Variants in CDH4 observed in about 807,000 individuals in gnomAD.
CDH4 encodes cadherin 4.
CDH4 carries 33 observed loss-of-function variants against 86.0 expected under a neutral mutation model. That is an observed-to-expected ratio of 0.38 (90% CI 0.29 to 0.51). The LOEUF is 0.51. CDH4 is among the 20% of genes least tolerant of loss of function. The pLI is 0.86. For synonymous variants in CDH4, 555 were observed against 549.4 expected (o/e 1.01, Z -0.14); for missense variants, 1,114 against 1,307.4 (o/e 0.85, Z 2.28).
rs552792921 is a variant in CDH4 at position 61,544,291 on chromosome 20, C to T, written c.170-199272C>T. Among the ~76,000 whole-genome samples the T allele has an allele frequency of 2.0e-3, 306 of 152,066 alleles. 2 individuals are homozygous for T. Among genetic ancestry groups the T allele is most frequent in the African/African-American group, 3.4e-3 (143 of 41,482 alleles). On this transcript the variant is annotated intron_variant, in intron 2 of 15. Transcript: ENST00000614565. This position sits in a 1 kb window ranked among gnomAD's most constrained non-coding sequence, Gnocchi z 6.5. Reference sequence around the variant, plus strand: ...ACATCGAGCGGGTGGAGGCTGGGTACGGCTAAACACCCCACAGCCCAGGAC... The same window carrying T: ...ACATCGAGCGGGTGGAGGCTGGGTATGGCTAAACACCCCACAGCCCAGGAC...
chr20:61,795,311 C>T (rs1369094626), intron 4 of CDH4, among the ~76,000 whole-genome samples: 1 of 151,562 alleles, frequency 6.6e-6, no homozygotes, highest in Non-Finnish European at 1.5e-5. Context: ...TTGTACTGAC[C>T]CTTTCTTCAC....
intron 3 of CDH4, among the ~76,000 whole-genome samples, chr20:61,766,657 G>C (rs866286803): frequency 6.6e-6 from 1 of 152,232 alleles, no homozygotes; most frequent in South Asian, 2.1e-4. Context: ...CATGCTCCAC[G>C]CAGCTCTGTT....
At chr20:61,583,291 CGGGGGGACAGAGGGCTCTGT>C (rs1319293148) in intron 2 of CDH4, among the ~76,000 whole-genome samples, 211 of 39,468 alleles carry the variant, frequency 5.3e-3, no homozygotes, top group Admixed American at 9.7e-3. Flanking sequence ...GACGGTTCTG[CGGGGGGACAGAGGGCTCTGT>C]GGGGGGACAG....
At chr20:61,725,729 G>C (rs1023433802) in intron 2 of CDH4, among the ~76,000 whole-genome samples, 1 of 148,994 alleles carries the variant, frequency 6.7e-6, no homozygotes, top group Non-Finnish European at 1.5e-5. Flanking sequence ...TCTGCAGAGA[G>C]ACACAAGGGG....
chr20:61,400,626 C>T (rs774593113), intron 2 of CDH4, among the ~76,000 whole-genome samples: 7 of 152,204 alleles, frequency 4.6e-5, no homozygotes, highest in South Asian at 2.1e-4. Flanking sequence ...TCTGCACCAT[C>T]GGGAACACAT....
intron 2 of CDH4, among the ~76,000 whole-genome samples, chr20:61,319,785 TAAA>T (rs11351576): frequency 4.2e-5 from 6 of 142,214 alleles, no homozygotes; most frequent in Non-Finnish European, 6.1e-5. Context: ...CCATCTCAAT[TAAA>T]AAAAAAAAAA....
At chr20:61,652,955 T>TTTTTTTTTTTA (rs1600842152) in intron 2 of CDH4, among the ~76,000 whole-genome samples, 1 of 122,852 alleles carries the variant, frequency 8.1e-6, no homozygotes, top group Admixed American at 8.0e-5. Context: ...TTTTTTTTTT[T>TTTTTTTTTTTA]ATTGATCATT....
At chr20:61,820,241 G>GC (rs1230369767) in intron 4 of CDH4, among the ~76,000 whole-genome samples, 7 of 151,740 alleles carry the variant, frequency 4.6e-5, no homozygotes. Flanking sequence ...TGAGAACTTG[G>GC]CATCCCCAAG....
At chr20:61,443,806 T>A (rs919586427) in intron 2 of CDH4, among the ~76,000 whole-genome samples, 4 of 151,868 alleles carry the variant, frequency 2.6e-5, no homozygotes, top group African/African-American at 9.7e-5. Flanking sequence ...TGTCTCTCTG[T>A]GTGGTGTGTC....
intron 2 of CDH4, among the ~76,000 whole-genome samples, chr20:61,476,687 G>C (rs2085538238): frequency 1.3e-5 from 2 of 152,206 alleles, no homozygotes; most frequent in Admixed American, 1.3e-4. Context: ...GTGTTAGGCT[G>C]GGCGAGACCA....
Position 61,269,405 on chromosome 20 carries a change from G to A in CDH4, c.169+14468G>A, listed in dbSNP as rs747398676. Among the ~76,000 whole-genome samples the A allele has an allele frequency of 1.8e-4, 27 of 151,988 alleles. No individual in the cohort carries two copies. The highest frequency in any genetic ancestry group is 2.9e-4 in the Non-Finnish European group (20 of 68,010). On this transcript the variant is annotated intron_variant, in intron 2 of 15. Coordinates refer to ENST00000614565, the MANE Select transcript of CDH4 (RefSeq NM_001794.5). The surrounding 1 kb of genome is among the most constrained non-coding windows in gnomAD (Gnocchi z 5.3). Reference sequence around the variant, plus strand: ...GGAGAGTCCACATTTCTAATCCTTAGCCATCAGCTCTGTGACACTGGACCA... The same window carrying A: ...GGAGAGTCCACATTTCTAATCCTTAACCATCAGCTCTGTGACACTGGACCA...
chr20:61,815,627 G>C (rs1980678160), intron 4 of CDH4, among the ~76,000 whole-genome samples: 1 of 152,338 alleles, frequency 6.6e-6, no homozygotes, highest in South Asian at 2.1e-4. Flanking sequence ...GAGCCCGCCT[G>C]GTTGGCATCT....
At chr20:61,383,569 GATATATATGA>G (rs1165465364) in intron 2 of CDH4, among the ~76,000 whole-genome samples, 2 of 7,410 alleles carry the variant, frequency 2.7e-4, no homozygotes, top group Non-Finnish European at 7.6e-4. Flanking sequence ...TATGATATAT[GATATATATGA>G]ATATATATGA....
intron 2 of CDH4, among the ~76,000 whole-genome samples, chr20:61,357,564 C>G (rs914990868): frequency 6.6e-6 from 1 of 152,212 alleles, no homozygotes; most frequent in Non-Finnish European, 1.5e-5. Context: ...TATCCCCATT[C>G]CTACAGGGAC....
intron 2 of CDH4, among the ~76,000 whole-genome samples, chr20:61,329,397 G>GCGGTGGATTGCAGCATGCGTGGAGGGCA (rs1568799974): frequency 6.6e-6 from 1 of 151,640 alleles, no homozygotes; most frequent in Non-Finnish European, 1.5e-5. Flanking sequence ...CCAGTGTGCT[G>GCGGTGGATTGCAGCATGCGTGGAGGGCA]CAGTGGATTG....
At chr20:61,387,629 C>G (rs1022107403) in intron 2 of CDH4, among the ~76,000 whole-genome samples, 1 of 152,196 alleles carries the variant, frequency 6.6e-6, no homozygotes, top group Non-Finnish European at 1.5e-5. Flanking sequence ...AAGATACACA[C>G]AGACACACAA....
intron 2 of CDH4, among the ~76,000 whole-genome samples, chr20:61,467,015 G>T (rs2085476046): frequency 6.6e-6 from 1 of 152,334 alleles, no homozygotes; most frequent in African/African-American, 2.4e-5. Flanking sequence ...TGTTCTCACT[G>T]GTTTTAATAT....
At position 61,940,146 on chromosome 20, in the gene CDH4, C is replaced by G. The variant is rs369051244; in HGVS notation, c.*3203C>G. The G allele has an allele frequency of 4.6e-5, 7 of 152,330 alleles. No homozygotes were observed. The highest frequency in any genetic ancestry group is 1.4e-4 in the African/African-American group (6 of 41,578). 9.4% of individuals were successfully genotyped at this position (152,330 alleles called of 1,614,324 possible). On this transcript the variant is annotated 3_prime_UTR_variant, in exon 16 of 16. Coordinates refer to ENST00000614565, the MANE Select transcript of CDH4 (RefSeq NM_001794.5). The stretch of plus-strand genomic sequence containing the variant: ...CAGACACACGTGACCCAGCTCGTGG[C>G]GCCGTGGGTCCGTAGGAGGGACAGT...
rs888644930 is a variant in CDH4 at position 61,741,240 on chromosome 20, G to A, written c.170-2323G>A. Among the ~76,000 whole-genome samples the A allele has an allele frequency of 5.3e-5, 8 of 152,160 alleles. No individual in the cohort carries two copies. The East Asian group carries it at 1.4e-3, about 26-fold the overall frequency. The stretch of plus-strand genomic sequence containing the variant: ...CAACAACAACAACAAAATCTAGAAA[G>A]CCAGTGTGCAGGGGCCCTGGTGCGG... On this transcript the variant is annotated intron_variant, in intron 2 of 15. Transcript: ENST00000614565.
Sources: allele counts gnomAD v4.1 joint callset (sites outside exome capture counted in the v4.1 genomes callset), GRCh38; gene constraint gnomAD v4.1.1; non-coding constraint Gnocchi (gnomAD v3.1); transcripts MANE v1.5; gene names NCBI Gene and HGNC (gene_info 2026-07-23, HGNC 2026-07-21).